The following TENM4 variants were observed in gnomAD, a reference collection of about 807,000 sequenced individuals.
TENM4 encodes the protein teneurin transmembrane protein 4.
A neutral mutation model predicts 243.3 loss-of-function variants in TENM4; 82 were observed. That is an observed-to-expected ratio of 0.34 (90% confidence interval 0.28 to 0.40). The LOEUF is 0.40. TENM4 is among the 10% of genes least tolerant of loss of function. The pLI, the probability that TENM4 is intolerant of heterozygous loss-of-function variation, is 1.00. For missense variants in TENM4, 3,138 were observed against 3,673.3 expected (o/e 0.85, Z 3.77); for synonymous variants, 1,412 against 1,456.3 (o/e 0.97, Z 0.69).
chr11:79,113,601 G>A (rs1436684622), intron 4 of TENM4, among the ~76,000 whole-genome samples: 2 of 150,762 alleles, frequency 1.3e-5, no homozygotes, highest in South Asian at 2.1e-4. Flanking sequence ...TTCATGAAAC[G>A]CACAATTAAG....
intron 6 of TENM4, among the ~76,000 whole-genome samples, chr11:79,045,805 G>A (rs1859642478): frequency 6.6e-6 from 1 of 151,410 alleles, no homozygotes; most frequent in African/African-American, 2.4e-5. Context: ...ACCTTTGCCT[G>A]CTGGTTAATT....
chr11:78,924,923 TCA>T (rs919770173), intron 6 of TENM4, among the ~76,000 whole-genome samples: 1 of 152,220 alleles, frequency 6.6e-6, no homozygotes, highest in Non-Finnish European at 1.5e-5. Context: ...CATTCCCTGG[TCA>T]CCCATAACAT....
chr11:78,903,871 C>T (rs1255218729), intron 6 of TENM4: 10 of 558,436 alleles, frequency 1.8e-5, no homozygotes, highest in East Asian at 1.7e-4. Flanking sequence ...GGCCAGGGAC[C>T]AGCAGCTTCA....
At chr11:79,273,761 A>T (rs1177527091) in intron 2 of TENM4, among the ~76,000 whole-genome samples, 1 of 152,160 alleles carries the variant, frequency 6.6e-6, no homozygotes, top group African/African-American at 2.4e-5. Flanking sequence ...AGCATCCTGT[A>T]AATGCGCTGT....
intron 2 of TENM4, among the ~76,000 whole-genome samples, chr11:79,273,919 G>A (rs558139882): frequency 6.6e-6 from 1 of 152,362 alleles, no homozygotes; most frequent in East Asian, 1.9e-4. Context: ...CCCTCCAGGG[G>A]CAGCGGGCTG....
In TENM4 at chr11:78,656,061, C is replaced by G. The variant is rs1022763038; in HGVS notation, c.*1997G>C. The G allele has an allele frequency of 6.6e-6, 1 of 152,180 alleles. No individual in the cohort carries two copies. Among genetic ancestry groups the G allele is most frequent in the Non-Finnish European group, 1.5e-5 (1 of 68,040 alleles). 9.4% of individuals were successfully genotyped at this position (152,180 alleles called of 1,614,324 possible). ...AAGAGCACTTAGCGAAACACATCCT[C>G]TAATCCCAGTGGGATGACGTTAAGG... On this transcript the variant is annotated 3_prime_UTR_variant, in exon 34 of 34. Transcript: ENST00000278550.
intron 12 of TENM4, among the ~76,000 whole-genome samples, chr11:78,848,007 C>T (rs775458860): frequency 6.6e-6 from 1 of 152,304 alleles, no homozygotes; most frequent in Non-Finnish European, 1.5e-5. Context: ...ATTTTGGTGA[C>T]TCTTGGAAGA....
At chr11:79,098,582 G>A (rs1007697557) in intron 4 of TENM4, among the ~76,000 whole-genome samples, 1 of 152,186 alleles carries the variant, frequency 6.6e-6, no homozygotes, top group Non-Finnish European at 1.5e-5. Flanking sequence ...CCCATGACTC[G>A]AGTAACCGGG....
At chr11:79,213,119 A>C (rs1863983691) in intron 3 of TENM4, among the ~76,000 whole-genome samples, 1 of 152,170 alleles carries the variant, frequency 6.6e-6, no homozygotes, top group African/African-American at 2.4e-5. Flanking sequence ...GGGCAGGCAG[A>C]GTGAGTGCAT....
At chr11:78,942,344 G>A (rs943598315) in intron 6 of TENM4, among the ~76,000 whole-genome samples, 6 of 146,246 alleles carry the variant, frequency 4.1e-5, no homozygotes, top group African/African-American at 1.5e-4. Flanking sequence ...TAATTGGATG[G>A]CTGAGTGGGA....
At chr11:78,668,905 G>A (rs1590925374) in intron 32 of TENM4, 32 bp downstream of exon 32, 4 of 1,584,786 alleles carry the variant, frequency 2.5e-6, no homozygotes, top group Non-Finnish European at 3.4e-6. Context: ...CACTTTATGG[G>A]GTCCTGCCCC....
chr11:79,040,290 T>C (rs1859487198), intron 6 of TENM4, among the ~76,000 whole-genome samples: 1 of 152,198 alleles, frequency 6.6e-6, no homozygotes, highest in African/African-American at 2.4e-5. Context: ...ATGCAAAACA[T>C]AGTCTGTGAA....
rs1294881583 is a variant in TENM4 at position 79,384,954 on chromosome 11, A to AAAATAAAATAAAATAAAATAAAATAAAAT, written c.-321+55554_-321+55555insATTTTATTTTATTTTATTTTATTTTATTT. 8.0e-5 allele frequency among the ~76,000 whole-genome samples: 12 copies of AAAATAAAATAAAATAAAATAAAATAAAAT among 150,274 alleles called. No individual in the cohort carries two copies. The East Asian group carries it at 2.3e-3, about 29-fold the overall frequency. ...AAATAAAATTAAAATAAAATAAAAT[A>AAAATAAAATAAAATAAAATAAAATAAAAT]AAATAAAATAAAATAAAATAAAATG... On this transcript the variant is annotated intron_variant, in intron 1 of 33. Transcript: ENST00000278550.
At chr11:78,915,920 G>A (rs1856305128) in intron 6 of TENM4, among the ~76,000 whole-genome samples, 1 of 152,166 alleles carries the variant, frequency 6.6e-6, no homozygotes, top group African/African-American at 2.4e-5. Context: ...CAAATGAAAG[G>A]GACAGGTTGG....
intron 7 of TENM4, among the ~76,000 whole-genome samples, chr11:78,895,205 G>A (rs977086253): frequency 7.3e-5 from 11 of 151,398 alleles, no homozygotes; most frequent in East Asian, 3.9e-4. Context: ...GCACGGTGGC[G>A]GGTGCCTGTA....
intron 4 of TENM4, among the ~76,000 whole-genome samples, chr11:79,137,132 G>C (rs1001892017): frequency 6.6e-6 from 1 of 152,272 alleles, no homozygotes; most frequent in Admixed American, 6.5e-5. Context: ...TGCTGGCCTA[G>C]AGGTTTTAGT....
intron 6 of TENM4, among the ~76,000 whole-genome samples, chr11:78,937,761 G>A (rs1469182692): frequency 6.6e-6 from 1 of 152,086 alleles, no homozygotes; most frequent in Non-Finnish European, 1.5e-5. Context: ...TCCCAAACAG[G>A]CCAGTTTTAG....
chr11:78,694,336 T>C (rs936267007), intron 28 of TENM4, among the ~76,000 whole-genome samples: 2 of 152,226 alleles, frequency 1.3e-5, no homozygotes, highest in African/African-American at 4.8e-5. Context: ...GGCACACCAA[T>C]AGTTCCCCTG....
At chr11:79,042,794 G>T (rs1038036038) in intron 6 of TENM4, among the ~76,000 whole-genome samples, 4 of 152,172 alleles carry the variant, frequency 2.6e-5, no homozygotes, top group Non-Finnish European at 5.9e-5. Context: ...GAATCTGTCT[G>T]CATGATTACT....
Sources: gnomAD v4.1 joint callset for allele counts (sites outside exome capture counted in the v4.1 genomes callset) on GRCh38, gnomAD v4.1.1 for gene constraint, MANE v1.5 for transcripts, NCBI Gene and HGNC (gene_info 2026-07-23, HGNC 2026-07-21) for gene names.